LSAMP: variants seen among roughly 807,000 people sequenced by gnomAD.
LSAMP encodes limbic system associated membrane protein.
A neutral mutation model predicts 38.6 loss-of-function variants in LSAMP; 7 were observed. The ratio of observed to expected loss-of-function variants is 0.18; its 90% confidence interval spans 0.10 to 0.34. The LOEUF is 0.34. LSAMP is among the 10% of genes least tolerant of loss of function. The probability of loss-of-function intolerance (pLI) is 1.00; values close to 1 mark genes in which losing one functional copy is unlikely to be tolerated. For synonymous variants in LSAMP, 154 were observed against 166.8 expected (o/e 0.92, Z 0.59); for missense variants, 313 against 420.0 (o/e 0.75, Z 2.23).
intron 1 of LSAMP, among the ~76,000 whole-genome samples, chr3:116,262,195 A>C (rs1262340912): frequency 6.6e-6 from 1 of 152,176 alleles, no homozygotes; most frequent in East Asian, 1.9e-4. Flanking sequence ...AAGACATTCC[A>C]GCCTCTCCTC....
At chr3:115,882,218 T>A (rs939197849) in intron 3 of LSAMP, among the ~76,000 whole-genome samples, 4 of 152,136 alleles carry the variant, frequency 2.6e-5, no homozygotes, top group African/African-American at 9.7e-5. Context: ...ATAACTCACA[T>A]ACACCTAACA....
At chr3:116,041,819 A>AAAC (rs1941180462) in intron 2 of LSAMP, among the ~76,000 whole-genome samples, 1 of 145,712 alleles carries the variant, frequency 6.9e-6, no homozygotes, top group African/African-American at 2.6e-5. Context: ...AACAAAACAA[A>AAAC]AAAAAAACAC....
rs1040408874 is a variant in LSAMP, at chr3:115,833,428, CTT to C, written c.919+8415_919+8416del. Among the ~76,000 whole-genome samples the C allele has an allele frequency of 1.8e-4, 25 of 141,904 alleles. No individual in the cohort carries two copies. The South Asian group carries it at 2.7e-3, about 15-fold the overall frequency. 93.1% of individuals were successfully genotyped at this position (141,904 alleles called of 152,430 possible). A position where few individuals can be genotyped will look rare whatever the true frequency, so the allele number is the denominator to read the frequency against. ...TTTCATACTAAAAATAGTTTGTCCT[CTT>C]TTTAAAATTTGATAATAACTCTTAT... On this transcript the variant is annotated intron_variant, in intron 6 of 6. Transcript: ENST00000490035.
chr3:116,339,484 T>C (rs1348006947), intron 1 of LSAMP, among the ~76,000 whole-genome samples: 2 of 151,826 alleles, frequency 1.3e-5, no homozygotes, highest in Admixed American at 1.3e-4. Flanking sequence ...TTTTTATTAT[T>C]ATGATACTGA....
intron 3 of LSAMP, among the ~76,000 whole-genome samples, chr3:115,942,257 T>C (rs1937948364): frequency 6.6e-6 from 1 of 152,182 alleles, no homozygotes; most frequent in Non-Finnish European, 1.5e-5. Context: ...CCATCATAAA[T>C]GTTGCCCAGC....
intron 3 of LSAMP, among the ~76,000 whole-genome samples, chr3:115,874,983 A>G (rs1345773153): frequency 6.6e-6 from 1 of 152,134 alleles, no homozygotes; most frequent in African/African-American, 2.4e-5. Flanking sequence ...TTATTTACCT[A>G]AGGCTTTCTA....
intron 1 of LSAMP, among the ~76,000 whole-genome samples, chr3:116,341,636 T>C (rs2047996353): frequency 6.6e-6 from 1 of 152,028 alleles, no homozygotes; most frequent in East Asian, 1.9e-4. Flanking sequence ...CTGGAGCTGA[T>C]AATGGAGGAC....
chr3:116,102,767 TTATC>T (rs35080251), intron 1 of LSAMP, among the ~76,000 whole-genome samples: 35 of 151,146 alleles, frequency 2.3e-4, no homozygotes, highest in South Asian at 1.5e-3. Context: ...TTTTAAAATT[TTATC>T]TATCTATCTA....
chr3:115,812,994 C>A (rs1933887413), intron 6 of LSAMP, among the ~76,000 whole-genome samples: 1 of 151,982 alleles, frequency 6.6e-6, no homozygotes, highest in Non-Finnish European at 1.5e-5. Context: ...TACATGTATA[C>A]ATACATATAC....
chr3:116,316,475 A>G (rs191199969), intron 1 of LSAMP, among the ~76,000 whole-genome samples: 1 of 152,324 alleles, frequency 6.6e-6, no homozygotes, highest in East Asian at 1.9e-4. Context: ...AGAGCAGTAT[A>G]TAAAGGCAAG....
chr3:116,204,809 G>C (rs1401100204), intron 1 of LSAMP, among the ~76,000 whole-genome samples: 1 of 149,192 alleles, frequency 6.7e-6, no homozygotes, highest in East Asian at 2.0e-4. Context: ...CTGTAGCCTT[G>C]TAGTATAGTT....
At chr3:115,854,279 A>ATTTT (rs1182024413) in intron 3 of LSAMP, among the ~76,000 whole-genome samples, 101 of 116,352 alleles carry the variant, frequency 8.7e-4, no homozygotes, top group Non-Finnish European at 1.1e-3. Context: ...TATTATTATT[A>ATTTT]TTATTTTTTT....
At chr3:116,334,815 G>C (rs993405296) in intron 1 of LSAMP, among the ~76,000 whole-genome samples, 4 of 152,046 alleles carry the variant, frequency 2.6e-5, no homozygotes, top group Non-Finnish European at 5.9e-5. Context: ...AGCTTTTCCT[G>C]TGTAGGAATC....
At chr3:115,967,341 C>T (rs1158318735) in intron 3 of LSAMP, among the ~76,000 whole-genome samples, 3 of 152,184 alleles carry the variant, frequency 2.0e-5, no homozygotes, top group African/African-American at 7.2e-5. Context: ...AGTTCCTTAT[C>T]TCCATTTGAG....
At chr3:115,998,838 G>T (rs1939903844) in intron 3 of LSAMP, among the ~76,000 whole-genome samples, 1 of 152,100 alleles carries the variant, frequency 6.6e-6, no homozygotes, top group African/African-American at 2.4e-5. Flanking sequence ...AGCCTGCCTG[G>T]TAGGATAACA....
At chr3:116,176,141 T>C (rs1245090431) in intron 1 of LSAMP, among the ~76,000 whole-genome samples, 2 of 152,110 alleles carry the variant, frequency 1.3e-5, no homozygotes, top group Non-Finnish European at 2.9e-5. Flanking sequence ...TCCTCACTCA[T>C]AGAGCCAGAA....
In LSAMP at chr3:116,166,993, G is replaced by A. The variant is rs556541115; in HGVS notation, c.156-80437C>T. ...TTTTTAGTAGAGACGGGGTTTCACC[G>A]TGTTAGCCAGGATGGTCTTGATCTC... On this transcript the variant is annotated intron_variant, in intron 1 of 6. Transcript: ENST00000490035. Among the ~76,000 whole-genome samples, 414 of 151,966 alleles carry A rather than the reference G, an allele frequency of 2.7e-3. 1 individual carries two copies. Among genetic ancestry groups the A allele is most frequent in the Middle Eastern group, 0.014 (4 of 294 alleles).
At chr3:115,861,193 CCTTCCT>C (rs1935687103) in intron 3 of LSAMP, among the ~76,000 whole-genome samples, 1 of 112,400 alleles carries the variant, frequency 8.9e-6, no homozygotes, top group Non-Finnish European at 1.8e-5. Context: ...TTCCTTCCTT[CCTTCCT>C]TCCTTCCTTT....
chr3:116,442,977 T>C (rs528831040), intron 1 of LSAMP, among the ~76,000 whole-genome samples: 1 of 152,336 alleles, frequency 6.6e-6, no homozygotes, highest in East Asian at 1.9e-4. Flanking sequence ...TATCTAACTC[T>C]TAGACAACTG....
Sources: allele counts gnomAD v4.1 joint callset (sites outside exome capture counted in the v4.1 genomes callset), GRCh38; gene constraint gnomAD v4.1.1; transcripts MANE v1.5; gene names NCBI Gene and HGNC (gene_info 2026-07-23, HGNC 2026-07-21).